PRCC: variants seen among roughly 807,000 people sequenced by gnomAD.
The protein encoded by PRCC is proline-rich protein PRCC.
A neutral mutation model predicts 44.0 loss-of-function variants in PRCC; 10 were observed. The ratio of observed to expected loss-of-function variants is 0.23; its 90% CI spans 0.14 to 0.39. The LOEUF (loss-of-function observed/expected upper bound fraction) is 0.39, where lower values mean the gene tolerates loss of function less well. Ranked by LOEUF, PRCC falls within the 10% of genes least tolerant of loss-of-function variation. PRCC has a pLI of 1.00. For synonymous variants in PRCC, 278 were observed against 259.5 expected (o/e 1.07, Z -0.69); for missense variants, 573 against 624.7 (o/e 0.92, Z 0.88).
intron 3 of PRCC, 23 bp from the exon 4 acceptor site, chr1:156,791,674 T>C: frequency 6.2e-7 from 1 of 1,602,480 alleles, no homozygotes; most frequent in South Asian, 1.1e-5. Flanking sequence ...GTTGGTGTGT[T>C]TTTCTTTCCT....
intron 1 of PRCC, among the ~76,000 whole-genome samples, chr1:156,779,609 C>T (rs1651977880): frequency 6.6e-6 from 1 of 151,976 alleles, no homozygotes; most frequent in Non-Finnish European, 1.5e-5. Context: ...CCTCAAGTGA[C>T]CTGTCTTCCT....
intron 1 of PRCC, among the ~76,000 whole-genome samples, chr1:156,775,121 G>A (rs1180020908): frequency 3.3e-5 from 5 of 151,766 alleles, no homozygotes; most frequent in African/African-American, 1.2e-4. Flanking sequence ...GGTGGCGGGT[G>A]CCTGTAGTCC....
intron 1 of PRCC, among the ~76,000 whole-genome samples, chr1:156,774,637 C>T (rs1037508967): frequency 1.3e-5 from 2 of 152,008 alleles, no homozygotes; most frequent in Admixed American, 1.3e-4. Flanking sequence ...CAGTAATGTG[C>T]CACTGTACCT....
At chr1:156,791,173 T>C (rs1327268804) in intron 3 of PRCC, 5 of 1,394,930 alleles carry the variant, frequency 3.6e-6, no homozygotes, top group Non-Finnish European at 4.9e-6. Context: ...GTAAGTTTCA[T>C]TGTATCCTAA....
Position 156,767,844 on chromosome 1 carries a change from G to A in PRCC, c.73G>A (p.Glu25Lys), listed in dbSNP as rs1178703165. Residue 25 changes from glutamate (E) to lysine (K), a missense_variant, in exon 1 of 7, where the codon GAG becomes AAG. Around this residue, in one of 4 missense-constraint regions of PRCC, gnomAD observed 245 missense variants for 188.5 expected, o/e 1.30. Coordinates refer to ENST00000271526, the MANE Select transcript of PRCC (RefSeq NM_005973.5). Reference protein sequence around the residue: ...DEAEPEPEEEEAVAPTSGPAL... With the variant: ...DEAEPEPEEEKAVAPTSGPAL... Reference sequence around the variant, plus strand: ...GGCTGAGCCCGAGCCGGAGGAAGAGGAGGCGGTGGCTCCTACATCTGGGCC... The same window carrying A: ...GGCTGAGCCCGAGCCGGAGGAAGAGAAGGCGGTGGCTCCTACATCTGGGCC... The A allele has an allele frequency of 6.2e-7, 1 of 1,610,352 alleles. No individual in the cohort carries two copies. Among genetic ancestry groups the A allele is most frequent in the Non-Finnish European group, 8.5e-7 (1 of 1,179,068 alleles).
chr1:156,791,910 G>A, intron 4 of PRCC, 118 bp downstream of exon 4: 1 of 920,290 alleles, frequency 1.1e-6, no homozygotes, highest in East Asian at 2.5e-5. Context: ...ATCAGGATTA[G>A]GTTGGCAACA....
At chr1:156,778,219 T>C (rs866755892) in intron 1 of PRCC, among the ~76,000 whole-genome samples, 2 of 152,332 alleles carry the variant, frequency 1.3e-5, no homozygotes, top group Middle Eastern at 6.8e-3. Flanking sequence ...TAACCACCAT[T>C]GTACTCTCTG....
chr1:156,787,988 T>C (rs1652337088), intron 3 of PRCC, among the ~76,000 whole-genome samples: 1 of 152,096 alleles, frequency 6.6e-6, no homozygotes. Context: ...CATTCCACCA[T>C]GCCCGCTAAT....
intron 1 of PRCC, among the ~76,000 whole-genome samples, chr1:156,775,952 C>T (rs1027312197): frequency 2.6e-5 from 4 of 152,184 alleles, no homozygotes; most frequent in Non-Finnish European, 4.4e-5. Flanking sequence ...TGGCCATCCC[C>T]GCCTTGCCTC....
chr1:156,776,256 G>C (rs773358335), intron 1 of PRCC, among the ~76,000 whole-genome samples: 1 of 152,166 alleles, frequency 6.6e-6, no homozygotes, highest in African/African-American at 2.4e-5. Flanking sequence ...TGTAGTCCCA[G>C]CTACCTGGGA....
intron 1 of PRCC, among the ~76,000 whole-genome samples, chr1:156,781,424 T>C (rs1166911261): frequency 3.9e-5 from 6 of 152,336 alleles, no homozygotes; most frequent in Admixed American, 3.3e-4. Context: ...TTTGCAGATA[T>C]CCAAACCAAG....
chr1:156,780,000 T>G (rs1231469392), intron 1 of PRCC, among the ~76,000 whole-genome samples: 1 of 152,036 alleles, frequency 6.6e-6, no homozygotes, highest in Admixed American at 6.6e-5. Flanking sequence ...AAGCAATTCT[T>G]GTACCTCAGC....
chr1:156,785,122 G>C (rs1165844054), intron 2 of PRCC, among the ~76,000 whole-genome samples: 1 of 151,998 alleles, frequency 6.6e-6, no homozygotes, highest in Non-Finnish European at 1.5e-5. Flanking sequence ...CTTAGATTAG[G>C]GAAATTTGCA....
In PRCC at chr1:156,782,328, A is replaced by G. The variant is rs139727655; in HGVS notation, c.515A>G (p.Gln172Arg). The change falls in exon 2 of 7, where the codon CAG becomes CGG. Residue 172 changes from glutamine to arginine, a missense_variant and splice_region_variant. By Grantham distance (43) the Gln-to-Arg change is conservative. Coordinates refer to ENST00000271526, the MANE Select transcript of PRCC (RefSeq NM_005973.5). Reference protein sequence around the residue: ...DEPTKKKTILQGSSEGTGLSA... With the variant: ...DEPTKKKTILRGSSEGTGLSA... ...CCCACAAAGAAGAAAACTATCCTTC[A>G]GGTAAGCATTGTGATATAAACCATT... The G allele has an allele frequency of 1.2e-6, 2 of 1,605,262 alleles. No individual in the cohort carries two copies. The highest frequency in any genetic ancestry group is 1.7e-6 in the Non-Finnish European group (2 of 1,173,100).
intron 4 of PRCC, among the ~76,000 whole-genome samples, chr1:156,792,380 C>A (rs1053013083): frequency 6.6e-6 from 1 of 152,008 alleles, no homozygotes; most frequent in African/African-American, 2.4e-5. Flanking sequence ...CCTAAGAGCA[C>A]GTCCACTTTG....
At chr1:156,794,515 T>C in intron 4 of PRCC, 150 bp from the exon 5 acceptor site, 1 of 907,172 alleles carries the variant, frequency 1.1e-6, no homozygotes. Context: ...TCAAGGGAGT[T>C]TGGTAGATGG....
intron 1 of PRCC, 105 bp downstream of exon 1, chr1:156,768,344 G>A (rs61816269): frequency 1.7e-6 from 2 of 1,196,374 alleles, no homozygotes; most frequent in Admixed American, 2.1e-5. Flanking sequence ...CGCATCCGTG[G>A]ATTCAAGGCC....
In PRCC at chr1:156,792,053, C is replaced by CTTT. The variant is rs67388360; in HGVS notation, c.1179+287_1179+289dup. On this transcript the variant is annotated intron_variant, in intron 4 of 6. Transcript: ENST00000271526. ...ACAGAGTCAGGGATCTAGTCCCCTTCTTTTTTTTTTTTTTTTTTTTTTTTT... is the reference window on the plus strand; with the variant it reads ...ACAGAGTCAGGGATCTAGTCCCCTTCTTTTTTTTTTTTTTTTTTTTTTTTTTTT... Among the ~76,000 whole-genome samples the CTTT allele has an allele frequency of 8.4e-3, 493 of 58,436 alleles. 83 individuals carry two copies. Among genetic ancestry groups the CTTT allele is most frequent in the South Asian group, 0.01 (10 of 960 alleles). The allele number at this position is 58,436 out of a possible 152,430, so 38.3% of individuals were successfully genotyped here. A position where few individuals can be genotyped will look rare whatever the true frequency, so the allele number is the denominator to read the frequency against.
chr1:156,797,353 C>T lies in PRCC; in HGVS notation c.1389+12C>T. ...ATCTTATTCATCAGGTGAGAGACAG[C>T]TGAGGGCTCTGGCTCAGGCAGGATC... On this transcript the variant is annotated intron_variant, in intron 6 of 6. Transcript: ENST00000271526. The T allele has an allele frequency of 1.2e-6, 2 of 1,614,096 alleles. No homozygotes were observed. The highest frequency in any genetic ancestry group is 1.3e-5 in the African/African-American group (1 of 75,040).
Sources: allele counts gnomAD v4.1 joint callset (sites outside exome capture counted in the v4.1 genomes callset), GRCh38; gene constraint gnomAD v4.1.1; regional missense constraint gnomAD v4.1.1; transcripts MANE v1.5; gene names NCBI Gene and HGNC (gene_info 2026-07-23, HGNC 2026-07-21).